The following PCP4 variants were observed in gnomAD, a reference collection of about 807,000 sequenced individuals.
PCP4 encodes Purkinje cell protein 4.
Under a neutral mutation model 10.0 loss-of-function variants are expected in PCP4, and 8 were observed. That is an observed-to-expected ratio of 0.80 (90% CI 0.47 to 1.45). PCP4 has a LOEUF of 1.45. Ranked by LOEUF, PCP4 falls within the 40% of genes most tolerant of loss-of-function variation. The probability of loss-of-function intolerance (pLI) is 0.00; values close to 1 mark genes in which losing one functional copy is unlikely to be tolerated. For synonymous variants in PCP4, 21 were observed against 23.0 expected (o/e 0.91, Z 0.24); for missense variants, 54 against 74.4 (o/e 0.73, Z 1.01).
chr21:39,905,833 G>T (rs974976000), intron 2 of PCP4, among the ~76,000 whole-genome samples: 4 of 152,116 alleles, frequency 2.6e-5, no homozygotes, highest in Non-Finnish European at 5.9e-5. Context: ...TGGATCACGA[G>T]GTCAGGAGAT....
chr21:39,885,153 T>C (rs1186738993), intron 1 of PCP4, among the ~76,000 whole-genome samples: 1 of 152,214 alleles, frequency 6.6e-6, no homozygotes, highest in Admixed American at 6.5e-5. Context: ...GGGCATTCAA[T>C]GAATGGGAAC....
chr21:39,882,270 C>T (rs555486374), intron 1 of PCP4, among the ~76,000 whole-genome samples: 13 of 152,330 alleles, frequency 8.5e-5, no homozygotes, highest in South Asian at 6.2e-4. Context: ...CGGTACATTA[C>T]GCTTGGCTCA....
At chr21:39,880,188 C>T (rs187102195) in intron 1 of PCP4, among the ~76,000 whole-genome samples, 1 of 122,610 alleles carries the variant, frequency 8.2e-6, no homozygotes, top group Non-Finnish European at 1.7e-5. Context: ...ATATCTATAT[C>T]TATCTATATC....
chr21:39,889,486 G>A (rs943330394), intron 1 of PCP4, among the ~76,000 whole-genome samples: 3 of 141,638 alleles, frequency 2.1e-5, no homozygotes, highest in Admixed American at 1.5e-4. Flanking sequence ...GCACGATCTC[G>A]GCTCACTGCA....
chr21:39,867,541 C>T, intron 1 of PCP4, 31 bp downstream of exon 1: 11 of 1,611,296 alleles, frequency 6.8e-6, no homozygotes, highest in Non-Finnish European at 9.3e-6. Context: ...GAGAGGGAAA[C>T]TTAGGAGTGA....
chr21:39,929,113 G>T lies in PCP4; in HGVS notation c.*2G>T, dbSNP rs766373750. The T allele has an allele frequency of 6.2e-7, 1 of 1,610,242 alleles. No homozygotes were observed. Among genetic ancestry groups the T allele is most frequent in the East Asian group, 2.2e-5 (1 of 44,786 alleles). ...AAGAAGGCTGGGTCTCAGTCCTAGT[G>T]GGAGAACCCCCTCCTAGTCCACCTG... On this transcript the variant is annotated 3_prime_UTR_variant, in exon 3 of 3. Coordinates refer to ENST00000328619, the MANE Select transcript of PCP4 (RefSeq NM_006198.3).
intron 1 of PCP4, among the ~76,000 whole-genome samples, chr21:39,894,551 A>G (rs2087448175): frequency 6.6e-6 from 1 of 152,204 alleles, no homozygotes; most frequent in Non-Finnish European, 1.5e-5. Context: ...AACCTAACAT[A>G]TTAAGCTATA....
chr21:39,888,608 G>A (rs1418013085), intron 1 of PCP4, among the ~76,000 whole-genome samples: 1 of 152,214 alleles, frequency 6.6e-6, no homozygotes, highest in African/African-American at 2.4e-5. Flanking sequence ...AGCGGTGTGA[G>A]TTAGGGGACT....
chr21:39,879,564 C>T (rs902233175), intron 1 of PCP4, among the ~76,000 whole-genome samples: 9 of 152,234 alleles, frequency 5.9e-5, no homozygotes, highest in South Asian at 2.1e-4. Context: ...ATATAAATGC[C>T]GCTAAATGTA....
intron 2 of PCP4, among the ~76,000 whole-genome samples, chr21:39,907,290 C>A (rs567730856): frequency 2.6e-5 from 4 of 152,042 alleles, no homozygotes; most frequent in Non-Finnish European, 5.9e-5. Flanking sequence ...CTTAGAGCAA[C>A]CACAGAACAT....
At chr21:39,888,428 G>C (rs561257648) in intron 1 of PCP4, among the ~76,000 whole-genome samples, 5 of 152,294 alleles carry the variant, frequency 3.3e-5, no homozygotes, top group South Asian at 2.1e-4. Flanking sequence ...ATGGATAAGT[G>C]GGGGGAGCGT....
rs745581750 is a variant in PCP4, at chr21:39,898,382, T to G, written c.10-94T>G. The G allele has an allele frequency of 3.1e-6, 3 of 981,214 alleles. No individual in the cohort carries two copies. In the African/African-American group the frequency reaches 4.7e-5, roughly 16 times the overall value. 60.8% of individuals were successfully genotyped at this position (981,214 alleles called of 1,614,324 possible). On this transcript the variant is annotated intron_variant, in intron 1 of 2. Transcript: ENST00000328619. The stretch of plus-strand genomic sequence containing the variant: ...AGCTAAAGTAACATAGAACTTGATA[T>G]AATGCAAGAGATGTTTGCAACAATA...
At chr21:39,883,911 G>C (rs966800476) in intron 1 of PCP4, among the ~76,000 whole-genome samples, 10 of 152,176 alleles carry the variant, frequency 6.6e-5, no homozygotes, top group African/African-American at 2.4e-4. Context: ...TCCATGCAAT[G>C]TGAGTGTTTT....
intron 1 of PCP4, among the ~76,000 whole-genome samples, chr21:39,884,692 G>A (rs902405732): frequency 9.9e-5 from 15 of 152,072 alleles, no homozygotes; most frequent in African/African-American, 3.6e-4. Flanking sequence ...AGCTACTCGG[G>A]AGGCTGAGAC....
intron 1 of PCP4, among the ~76,000 whole-genome samples, chr21:39,873,746 G>A (rs942698719): frequency 2.0e-5 from 3 of 152,166 alleles, no homozygotes; most frequent in Admixed American, 2.0e-4. Context: ...GGATTGTTTT[G>A]TGCCACAAAC....
chr21:39,917,045 A>G (rs922107946), intron 2 of PCP4, among the ~76,000 whole-genome samples: 1 of 152,176 alleles, frequency 6.6e-6, no homozygotes, highest in Non-Finnish European at 1.5e-5. Context: ...ACGTTTACCT[A>G]TGTAACAAAC....
intron 2 of PCP4, among the ~76,000 whole-genome samples, chr21:39,900,567 G>A (rs1351181733): frequency 6.6e-6 from 1 of 152,088 alleles, no homozygotes; most frequent in Non-Finnish European, 1.5e-5. Flanking sequence ...AAGAACCACA[G>A]CTGCCTGTAA....
intron 1 of PCP4, among the ~76,000 whole-genome samples, chr21:39,870,528 AC>A (rs1403517214): frequency 6.6e-6 from 1 of 152,160 alleles, no homozygotes; most frequent in Non-Finnish European, 1.5e-5. Flanking sequence ...AAAAATGACT[AC>A]CTTTGTTCAG....
chr21:39,891,364 T>C (rs2087430324), intron 1 of PCP4, among the ~76,000 whole-genome samples: 1 of 152,132 alleles, frequency 6.6e-6, no homozygotes, highest in African/African-American at 2.4e-5. Flanking sequence ...ACCCCTTGCC[T>C]TGGGGCTTCC....
Sources: allele counts gnomAD v4.1 joint callset (sites outside exome capture counted in the v4.1 genomes callset), GRCh38; gene constraint gnomAD v4.1.1; transcripts MANE v1.5; gene names NCBI Gene and HGNC (gene_info 2026-07-23, HGNC 2026-07-21).